The following CYP19A1 variants were observed in gnomAD, a reference collection of about 807,000 sequenced individuals.
CYP19A1 encodes the protein cytochrome P450 family 19 subfamily A member 1, also known as aromatase.
A neutral mutation model predicts 44.4 loss-of-function variants in CYP19A1; 32 were observed. The observed-to-expected ratio is 0.72, with a 90% CI of 0.54 to 0.97. The LOEUF is 0.97. Among genes scored for constraint, CYP19A1 ranks in the 50% least tolerant of loss-of-function variants. CYP19A1 has a pLI of 0.00. For missense variants in CYP19A1, 598 were observed against 637.8 expected, an observed-to-expected ratio of 0.94 and a Z score of 0.67; for synonymous variants, 212 against 215.6, an observed-to-expected ratio of 0.98 and a Z score of 0.14.
intron 3 of CYP19A1, among the ~76,000 whole-genome samples, chr15:51,232,241 C>T (rs1383895967): frequency 1.3e-5 from 2 of 152,112 alleles, no homozygotes; most frequent in African/African-American, 4.8e-5. Context: ...ATTGAAACTG[C>T]TCTTGTCAAG....
intron 1 of CYP19A1, among the ~76,000 whole-genome samples, chr15:51,337,183 C>T (rs2036790388): frequency 6.6e-6 from 1 of 152,146 alleles, no homozygotes; most frequent in African/African-American, 2.4e-5. Flanking sequence ...GGCACAAGTC[C>T]CTGCTGTGAG....
At chr15:51,336,398 T>C (rs1373978427) in intron 1 of CYP19A1, among the ~76,000 whole-genome samples, 2 of 152,120 alleles carry the variant, frequency 1.3e-5, no homozygotes, top group Non-Finnish European at 2.9e-5. Context: ...TTGGATGGTG[T>C]GAAGTTTCTT....
chr15:51,225,119 G>A (rs2032462680), intron 4 of CYP19A1, among the ~76,000 whole-genome samples: 1 of 152,192 alleles, frequency 6.6e-6, no homozygotes. Flanking sequence ...AGTATTTGGT[G>A]ATGTGCTGGG....
At chr15:51,299,909 C>T (rs1352000686) in intron 1 of CYP19A1, among the ~76,000 whole-genome samples, 1 of 152,224 alleles carries the variant, frequency 6.6e-6, no homozygotes, top group African/African-American at 2.4e-5. Context: ...GAGGAGGCGA[C>T]ATTTGAGCTG....
Position 51,222,477 on chromosome 15 carries a change from G to T in CYP19A1, c.500C>A (p.Ser167Tyr). The T allele has an allele frequency of 6.2e-7, 1 of 1,613,990 alleles. No homozygotes were observed. The highest frequency in any genetic ancestry group is 8.5e-7 in the Non-Finnish European group (1 of 1,179,900). The change falls in exon 5 of 10, where the codon TCC becomes TAC. Residue 167 changes from serine to tyrosine, a missense_variant. Physicochemically the swap from Ser to Tyr is moderately radical, Grantham distance 144 (BLOSUM62 -2). Coordinates refer to ENST00000396402, the MANE Select transcript of CYP19A1 (RefSeq NM_000103.4). The part of the protein sequence containing the change: ...LVRMVTVCAE[S>Y]LKTHLDRLEE... ...CAACCTGTCCAGATGTGTTTTGAGG[G>T]ATTCAGCACAGACTGTGACCATACG...
At chr15:51,292,169 A>G (rs532950849) in intron 1 of CYP19A1, among the ~76,000 whole-genome samples, 9 of 152,360 alleles carry the variant, frequency 5.9e-5, no homozygotes, top group Non-Finnish European at 1.2e-4. Flanking sequence ...CCACCCTAGC[A>G]ATCAAATTGG....
intron 2 of CYP19A1, among the ~76,000 whole-genome samples, chr15:51,241,046 G>A (rs2033731316): frequency 6.6e-6 from 1 of 152,144 alleles, no homozygotes; most frequent in African/African-American, 2.4e-5. Context: ...CAAACTAGCT[G>A]AGCTCCTACC....
In CYP19A1 at chr15:51,215,072, A is replaced by G; in HGVS notation, c.1019T>C (p.Ile340Thr). The stretch of plus-strand genomic sequence containing the variant: ...TTATTTATTTGATAAATTCTTACCA[A>G]TAACAGTCTGGATTTCCTTTATTAT... ...EAIIKEIQTV[I>T]GERDIKIDDI... Residue 340 changes from isoleucine to threonine, a missense_variant and splice_region_variant, in exon 8 of 10, where the codon ATT becomes ACT. By Grantham distance (89) the Ile-to-Thr change is moderately conservative. Transcript: ENST00000396402. 2 of 1,613,254 alleles carry G rather than the reference A, an allele frequency of 1.2e-6. No individual in the cohort carries two copies. The highest frequency in any genetic ancestry group is 1.7e-6 in the Non-Finnish European group (2 of 1,179,532).
Position 51,212,439 on chromosome 15 carries a change from C to T in CYP19A1, c.1144G>A (p.Val382Ile), listed in dbSNP as rs1450290816. ...LVMRKALEDD[V>I]IDGYPVKKGT... ...TTTTTCACTGGGTAGCCATCGATTA[C>T]ATCATCTTCTAAGGCTTTGCGCATG... Residue 382 changes from valine to isoleucine, a missense_variant, in exon 9 of 10, where the codon GTA becomes ATA. Coordinates refer to ENST00000396402, the MANE Select transcript of CYP19A1 (RefSeq NM_000103.4). 1.2e-6 allele frequency: 2 copies of T among 1,609,802 alleles called. No individual in the cohort carries two copies. The highest frequency in any genetic ancestry group is 1.7e-6 in the Non-Finnish European group (2 of 1,176,148).
chr15:51,266,340 G>C (rs2034916932), intron 1 of CYP19A1, among the ~76,000 whole-genome samples: 1 of 152,226 alleles, frequency 6.6e-6, no homozygotes, highest in African/African-American at 2.4e-5. Context: ...CAGCTAATTA[G>C]TGACAGAGTT....
chr15:51,294,721 A>C (rs2140993395), intron 1 of CYP19A1, among the ~76,000 whole-genome samples: 1 of 139,100 alleles, frequency 7.2e-6, no homozygotes, highest in East Asian at 2.3e-4. Context: ...CCGTCTGGCC[A>C]GCCGCCCCCC....
chr15:51,249,424 A>G (rs754209423), intron 1 of CYP19A1, among the ~76,000 whole-genome samples: 4 of 152,040 alleles, frequency 2.6e-5, no homozygotes, highest in Non-Finnish European at 5.9e-5. Context: ...GCCATCTCTT[A>G]CCTGGTATAA....
At chr15:51,242,653 T>G in intron 2 of CYP19A1, 115 bp downstream of exon 2, 1 of 715,694 alleles carries the variant, frequency 1.4e-6, no homozygotes, top group Admixed American at 2.0e-5. Context: ...AGACATAGTC[T>G]TCAGAGATCT....
In CYP19A1 at chr15:51,290,740, C is replaced by T. The variant is rs567328614; in HGVS notation, c.-39+47755G>A. On this transcript the variant is annotated intron_variant, in intron 1 of 9. Transcript: ENST00000396402. ...AAGCCCAGGACCACTGCATTGCCTT[C>T]TTCCTTCCCTCCGAGCGTCATGTTG... is the stretch of plus-strand genomic sequence containing the variant. Among the ~76,000 whole-genome samples the T allele has an allele frequency of 2.0e-5, 3 of 152,244 alleles. No individual in the cohort carries two copies. In the South Asian group the frequency reaches 6.2e-4, roughly 31 times the overall value.
chr15:51,210,429 G>T lies in CYP19A1; in HGVS notation c.*379C>A. On this transcript the variant is annotated 3_prime_UTR_variant, in exon 10 of 10. Transcript: ENST00000396402. ...CTTTCTAATCAACTTGAGTGTTTCTGCCCCAGACATAAAAATCCCCTTGGG... is the reference window on the plus strand; with the variant it reads ...CTTTCTAATCAACTTGAGTGTTTCTTCCCCAGACATAAAAATCCCCTTGGG... 1.9e-6 allele frequency: 1 copy of T among 515,790 alleles called. No individual in the cohort carries two copies. The highest frequency in any genetic ancestry group is 3.8e-6 in the Non-Finnish European group (1 of 264,480). 32.0% of individuals were successfully genotyped at this position (515,790 alleles called of 1,614,324 possible).
intron 1 of CYP19A1, chr15:51,277,957 T>TG: frequency 6.9e-6 from 1 of 144,632 alleles, no homozygotes; most frequent in Non-Finnish European, 1.5e-5. Flanking sequence ...TGCATGAGTT[T>TG]TTTTTTTTTT....
intron 1 of CYP19A1, among the ~76,000 whole-genome samples, chr15:51,286,116 G>A (rs1356737913): frequency 3.9e-5 from 6 of 152,040 alleles, no homozygotes; most frequent in Admixed American, 6.6e-5. Flanking sequence ...CCTCTCACCC[G>A]CAATGGGCCT....
intron 1 of CYP19A1, among the ~76,000 whole-genome samples, chr15:51,299,442 T>C (rs2036066956): frequency 1.3e-5 from 2 of 152,220 alleles, no homozygotes; most frequent in African/African-American, 4.8e-5. Flanking sequence ...TTTCCTCCTC[T>C]ACTCCTGCCT....
At chr15:51,229,314 C>T (rs1204478566) in intron 3 of CYP19A1, among the ~76,000 whole-genome samples, 1 of 150,402 alleles carries the variant, frequency 6.6e-6, no homozygotes, top group Non-Finnish European at 1.5e-5. Flanking sequence ...AGCTCGAGCC[C>T]TGGAGGTTGA....
Sources: allele counts gnomAD v4.1 joint callset (sites outside exome capture counted in the v4.1 genomes callset), GRCh38; gene constraint gnomAD v4.1.1; transcripts MANE v1.5; gene names NCBI Gene and HGNC (gene_info 2026-07-23, HGNC 2026-07-21).